PIEZO1: variants seen among roughly 807,000 people sequenced by gnomAD.
PIEZO1 encodes piezo-type mechanosensitive ion channel component 1.
A neutral mutation model predicts 297.2 loss-of-function variants in PIEZO1; 296 were observed. The ratio of observed to expected loss-of-function variants is 1.00; its 90% CI spans 0.91 to 1.10. PIEZO1 has a LOEUF of 1.10. Among genes scored for constraint, PIEZO1 ranks in the 50% least tolerant of loss-of-function variants. The pLI, the probability that PIEZO1 is intolerant of heterozygous loss-of-function variation, is 0.00. For missense variants in PIEZO1, 5,018 were observed against 3,455.5 expected (o/e 1.45, Z -11.34); for synonymous variants, 2,427 against 1,507.5 (o/e 1.61, Z -14.13).
chr16:88,726,546 C>G lies in PIEZO1; in HGVS notation c.3796+1G>C, dbSNP rs869025599. On this transcript the variant is annotated splice_donor_variant, in intron 26 of 50. Coordinates refer to ENST00000301015, the MANE Select transcript of PIEZO1 (RefSeq NM_001142864.4). LOFTEE classifies it high-confidence loss of function. ...CCCCCGCCACCGTCCTGGCCACTCA[C>G]GGTCATAGTAGCCCTTGACGGTGCA... is the stretch of plus-strand genomic sequence containing the variant. 6.5e-7 allele frequency: 1 copy of G among 1,549,256 alleles called. No individual in the cohort carries two copies. The highest frequency in any genetic ancestry group is 1.2e-5 in the South Asian group (1 of 84,052).
chr16:88,742,324 G>C lies in PIEZO1; in HGVS notation c.259C>G (p.Leu87Val). 6.5e-7 allele frequency: 1 copy of C among 1,535,244 alleles called. No individual in the cohort carries two copies. The highest frequency in any genetic ancestry group is 8.7e-7 in the Non-Finnish European group (1 of 1,146,496). The change falls in exon 3 of 51, where the codon CTG becomes GTG. Residue 87 changes from leucine (L) to valine (V), a missense_variant. Transcript: ENST00000301015. Reference protein sequence around the residue: ...LQICLHIVPRLDQLLGPSCSR... With the variant: ...LQICLHIVPRVDQLLGPSCSR... ...CAGCTGGGTCCCAGGAGCTGGTCCA[G>C]GCGGGGCACAATATGCAGGCAGATC...
rs926138856 is a variant in PIEZO1 at position 88,721,259 on chromosome 16, C to A, written c.5575G>T (p.Val1859Leu). 10 of 1,543,480 alleles carry A rather than the reference C, an allele frequency of 6.5e-6. No individual in the cohort carries two copies. The East Asian group carries it at 2.4e-4, about 38-fold the overall frequency. Residue 1859 changes from valine to leucine, a missense_variant, in exon 39 of 51, where the codon GTG becomes TTG. Transcript: ENST00000301015. ...CTCGTATCACGGGGCCTGAGCTCCA[C>A]TTGGGGTTCTGGGGTCCCGTCCGTG... is the stretch of plus-strand genomic sequence containing the variant. Reference protein sequence around the residue: ...GPTDGTPEPQVELRPRDTRRI... With the variant: ...GPTDGTPEPQLELRPRDTRRI...
intron 1 of PIEZO1, among the ~76,000 whole-genome samples, chr16:88,782,446 G>A (rs1486503530): frequency 6.6e-6 from 1 of 152,176 alleles, no homozygotes; most frequent in Non-Finnish European, 1.5e-5. Context: ...GATGGGCCCT[G>A]ATCCCCCAAG....
At chr16:88,747,866 C>G (rs1906146524) in intron 2 of PIEZO1, among the ~76,000 whole-genome samples, 1 of 152,178 alleles carries the variant, frequency 6.6e-6, no homozygotes, top group Non-Finnish European at 1.5e-5. Context: ...TGACCCCACC[C>G]CACCGGCTCT....
At chr16:88,746,796 A>G (rs1449098171) in intron 2 of PIEZO1, among the ~76,000 whole-genome samples, 4 of 151,924 alleles carry the variant, frequency 2.6e-5, no homozygotes, top group Non-Finnish European at 4.4e-5. Flanking sequence ...GCCTTCCCCC[A>G]CTGCTGATTA....
Position 88,736,018 on chromosome 16 carries a change from G to A in PIEZO1, c.1557+130C>T, listed in dbSNP as rs1905188089. The A allele has an allele frequency of 3.2e-6, 3 of 927,972 alleles. No homozygotes were observed. The East Asian group carries it at 8.0e-5, about 25-fold the overall frequency. The allele number at this position is 927,972 out of a possible 1,614,324, so 57.5% of individuals were successfully genotyped here. A position where few individuals can be genotyped will look rare whatever the true frequency, so the allele number is the denominator to read the frequency against. ...ACTCTGGGCTGGCTCTGGGTGGGCA[G>A]AAGGGGACAGACAGACACATCTGCC... On this transcript the variant is annotated intron_variant, in intron 12 of 50. Transcript: ENST00000301015.
At chr16:88,734,603 G>A in intron 15 of PIEZO1, 47 bp downstream of exon 15, 4 of 1,548,810 alleles carry the variant, frequency 2.6e-6, no homozygotes, top group Non-Finnish European at 3.5e-6. Flanking sequence ...CCGGGGAAGT[G>A]CACGGGGTTT....
At chr16:88,734,580 A>C (rs766101007) in intron 15 of PIEZO1, 42 bp from the exon 16 acceptor site, 1 of 1,545,866 alleles carries the variant, frequency 6.5e-7, no homozygotes, top group African/African-American at 1.4e-5. Context: ...CCCCCGGCAG[A>C]GCCGCTGCAG....
intron 1 of PIEZO1, among the ~76,000 whole-genome samples, chr16:88,772,313 G>C (rs536255226): frequency 6.6e-6 from 1 of 152,356 alleles, no homozygotes; most frequent in African/African-American, 2.4e-5. Context: ...CCGGGGGTTG[G>C]GACAGGTAAG....
At chr16:88,753,258 GC>G (rs1248313903) in intron 1 of PIEZO1, among the ~76,000 whole-genome samples, 1 of 21,482 alleles carries the variant, frequency 4.7e-5, no homozygotes, top group Non-Finnish European at 8.0e-5. Flanking sequence ...AGCGCACCCA[GC>G]CCCCCAGAGC....
At chr16:88,751,444 C>T (rs1050108413) in intron 1 of PIEZO1, among the ~76,000 whole-genome samples, 4 of 152,222 alleles carry the variant, frequency 2.6e-5, no homozygotes, top group African/African-American at 9.6e-5. Context: ...ACGAAAGAAT[C>T]GCGCTCGGCG....
At position 88,726,661 on chromosome 16, in the gene PIEZO1, C is replaced by T; in HGVS notation, c.3700-18G>A. 1 of 1,481,264 alleles carries T rather than the reference C, an allele frequency of 6.8e-7. No individual in the cohort carries two copies. Among genetic ancestry groups the T allele is most frequent in the Non-Finnish European group, 9.0e-7 (1 of 1,105,488 alleles). 91.8% of individuals were successfully genotyped at this position (1,481,264 alleles called of 1,614,324 possible). A position where few individuals can be genotyped will look rare whatever the true frequency, so the allele number is the denominator to read the frequency against. On this transcript the variant is annotated intron_variant, in intron 25 of 50. Coordinates refer to ENST00000301015, the MANE Select transcript of PIEZO1 (RefSeq NM_001142864.4). Reference sequence around the variant, plus strand: ...GCCAGGAGCTGGGGGAGAGCAGGGTCAGCGGGGCCAGCGGGGCCCCAGGGC... The same window carrying T: ...GCCAGGAGCTGGGGGAGAGCAGGGTTAGCGGGGCCAGCGGGGCCCCAGGGC...
rs550638039 is a variant in PIEZO1, at chr16:88,785,191, G to A, written c.-227C>T. ...GGCGGAGCGCAGCGCTCGGCTCACT[G>A]GGGCCGAGCTGGGCCGGACGGCGGC... On this transcript the variant is annotated 5_prime_UTR_variant, in exon 1 of 51. Coordinates refer to ENST00000301015, the MANE Select transcript of PIEZO1 (RefSeq NM_001142864.4). 267 of 259,982 alleles carry A rather than the reference G, an allele frequency of 1.0e-3. No individual in the cohort carries two copies. Among genetic ancestry groups the A allele is most frequent in the African/African-American group, 5.8e-3 (255 of 44,258 alleles). 16.1% of individuals were successfully genotyped at this position (259,982 alleles called of 1,614,324 possible).
At chr16:88,743,739 C>CCAGGA (rs1219634877) in intron 2 of PIEZO1, 1 of 429,370 alleles carries the variant, frequency 2.3e-6, no homozygotes, top group Non-Finnish European at 4.8e-6. Context: ...TCACGGATGC[C>CCAGGA]CAGGACTCCC....
intron 1 of PIEZO1, among the ~76,000 whole-genome samples, chr16:88,781,133 C>T: frequency 6.6e-6 from 1 of 152,222 alleles, no homozygotes. Flanking sequence ...CAGGAGTGGG[C>T]TGCAGCGGGC....
chr16:88,778,709 C>T (rs953658138), intron 1 of PIEZO1, among the ~76,000 whole-genome samples: 2 of 152,200 alleles, frequency 1.3e-5, no homozygotes, highest in Non-Finnish European at 2.9e-5. Flanking sequence ...GTCCCTGCAA[C>T]CCAGCGTCCA....
In PIEZO1 at chr16:88,782,564, C is replaced by T. The variant is rs140303606; in HGVS notation, c.64+2337G>A. On this transcript the variant is annotated intron_variant, in intron 1 of 50. Transcript: ENST00000301015. ...ATGATCCTGCACTGGAGAGGGAGGG[C>T]GTGGGGGCCAGGGGCACCCCAGGAT... 3.8e-3 allele frequency among the ~76,000 whole-genome samples: 575 copies of T among 152,266 alleles called. 4 individuals carry two copies. The highest frequency in any genetic ancestry group is 6.9e-3 in the Non-Finnish European group (469 of 67,996).
At chr16:88,745,919 T>C (rs1906026344) in intron 2 of PIEZO1, among the ~76,000 whole-genome samples, 1 of 151,902 alleles carries the variant, frequency 6.6e-6, no homozygotes, top group Admixed American at 6.5e-5. Context: ...CTGCAAAGGC[T>C]GAGGGGCCCC....
chr16:88,756,048 G>A (rs1211461051), intron 1 of PIEZO1, among the ~76,000 whole-genome samples: 2 of 152,206 alleles, frequency 1.3e-5, no homozygotes, highest in African/African-American at 2.4e-5. Context: ...TTGGGTCCAG[G>A]GTCACAGGAG....
Sources: allele counts gnomAD v4.1 joint callset (sites outside exome capture counted in the v4.1 genomes callset), GRCh38; gene constraint gnomAD v4.1.1; transcripts MANE v1.5; gene names NCBI Gene and HGNC (gene_info 2026-07-23, HGNC 2026-07-21).